ACTR2: variants seen among roughly 807,000 people sequenced by gnomAD.
ACTR2 encodes actin related protein 2, also known as actin-related protein 2.
Under a neutral mutation model 50.2 loss-of-function variants are expected in ACTR2, and 5 were observed. That is an observed-to-expected ratio of 0.10 (90% CI 0.05 to 0.21). The LOEUF is 0.21. Among genes scored for constraint, ACTR2 ranks in the 10% least tolerant of loss-of-function variants. The pLI, the probability that ACTR2 is intolerant of heterozygous loss-of-function variation, is 1.00. For synonymous variants in ACTR2, 140 were observed against 162.9 expected, an observed-to-expected ratio of 0.86 and a Z score of 1.07; for missense variants, 180 against 480.6, an observed-to-expected ratio of 0.37 and a Z score of 5.85.
chr2:65,256,106 C>T (rs1333215351), intron 6 of ACTR2, among the ~76,000 whole-genome samples: 1 of 152,032 alleles, frequency 6.6e-6, no homozygotes, highest in African/African-American at 2.4e-5. Flanking sequence ...GAACTCAGAG[C>T]CTTTGGTATG....
At chr2:65,255,875 C>T (rs1228282572) in intron 6 of ACTR2, among the ~76,000 whole-genome samples, 181 bp downstream of exon 6, 1 of 152,022 alleles carries the variant, frequency 6.6e-6, no homozygotes, top group African/African-American at 2.4e-5. Flanking sequence ...TTTAGGGCAC[C>T]ATATAATGCA....
At position 65,268,831 on chromosome 2, in the gene ACTR2, C is replaced by G; in HGVS notation, c.*97C>G. The G allele has an allele frequency of 4.6e-6, 6 of 1,298,230 alleles. No individual in the cohort carries two copies. The highest frequency in any genetic ancestry group is 6.4e-6 in the Non-Finnish European group (6 of 937,954). 80.4% of individuals were successfully genotyped at this position (1,298,230 alleles called of 1,614,324 possible). On this transcript the variant is annotated 3_prime_UTR_variant, in exon 9 of 9. Transcript: ENST00000260641. ...CAACTCCAGGACATGGAAGAGGCCT[C>G]TCTCTGCCCTTTGACTGGAAAGGTC...
intron 1 of ACTR2, among the ~76,000 whole-genome samples, chr2:65,235,003 G>A (rs988436207): frequency 1.3e-5 from 2 of 152,102 alleles, no homozygotes; most frequent in Non-Finnish European, 2.9e-5. Flanking sequence ...TGTAAATTAT[G>A]ACTGACATTA....
chr2:65,235,310 GAAAAAATGA>G (rs1671719665), intron 1 of ACTR2, among the ~76,000 whole-genome samples: 1 of 152,122 alleles, frequency 6.6e-6, no homozygotes. Context: ...AAGACACTGA[GAAAAAATGA>G]ACTACTACTC....
chr2:65,259,742 A>G (rs1223307740), intron 6 of ACTR2, among the ~76,000 whole-genome samples: 1 of 152,162 alleles, frequency 6.6e-6, no homozygotes. Context: ...AAAAAATTAA[A>G]TTATAAATGT....
chr2:65,232,107 T>G (rs1163108392), intron 1 of ACTR2, among the ~76,000 whole-genome samples: 1 of 152,220 alleles, frequency 6.6e-6, no homozygotes, highest in African/African-American at 2.4e-5. Context: ...AACCTCCTTC[T>G]GAAATCAAGC....
chr2:65,265,332 T>G, intron 8 of ACTR2, 157 bp downstream of exon 8: 3 of 857,682 alleles, frequency 3.5e-6, no homozygotes, highest in Non-Finnish European at 5.6e-6. Context: ...AAGGAAATAG[T>G]TCAAGATAAG....
intron 1 of ACTR2, among the ~76,000 whole-genome samples, chr2:65,236,035 CAT>C (rs1195533293): frequency 6.6e-6 from 1 of 152,068 alleles, no homozygotes; most frequent in Admixed American, 6.5e-5. Context: ...ATGACTGTAA[CAT>C]ATTTGAAAAA....
At chr2:65,237,902 C>A (rs1279691561) in intron 1 of ACTR2, among the ~76,000 whole-genome samples, 1 of 152,148 alleles carries the variant, frequency 6.6e-6, no homozygotes, top group Non-Finnish European at 1.5e-5. Context: ...ATCACTTGAA[C>A]CCGTGGGCGG....
chr2:65,246,595 C>T lies in ACTR2; in HGVS notation c.231C>T (p.Gly77=). The T allele has an allele frequency of 1.2e-6, 2 of 1,613,234 alleles. No individual in the cohort carries two copies. Among genetic ancestry groups the T allele is most frequent in the South Asian group, 1.1e-5 (1 of 91,056 alleles). The change falls in exon 3 of 9, where the codon GGC becomes GGT. Residue 77 remains glycine, a synonymous_variant. Transcript: ENST00000260641. ...AAGTTAACTACCCTATGGAAAATGG[C>T]ATAGTACGAAATTGGGATGACATGA... is the stretch of plus-strand genomic sequence containing the variant. ...MLEVNYPMEN[G]IVRNWDDMKH...
chr2:65,242,365 A>G (rs1470511471), intron 2 of ACTR2, among the ~76,000 whole-genome samples: 1 of 152,190 alleles, frequency 6.6e-6, no homozygotes, highest in Non-Finnish European at 1.5e-5. Context: ...TGTGCATAAT[A>G]TTAGAAACCA....
At chr2:65,259,124 T>C (rs559560996) in intron 6 of ACTR2, among the ~76,000 whole-genome samples, 24 of 152,120 alleles carry the variant, frequency 1.6e-4, no homozygotes, top group Admixed American at 1.6e-3. Context: ...AGCTGGAATC[T>C]AAACAATCAT....
At chr2:65,248,377 G>A (rs60955726) in intron 3 of ACTR2, among the ~76,000 whole-genome samples, 79,289 of 151,864 alleles carry the variant, frequency 0.52, 21,253 homozygotes, top group East Asian at 0.79. Flanking sequence ...TCCAGCCTGG[G>A]CGACAGGGTG....
At chr2:65,263,740 T>C (rs1672320882) in intron 7 of ACTR2, among the ~76,000 whole-genome samples, 1 of 152,210 alleles carries the variant, frequency 6.6e-6, no homozygotes, top group African/African-American at 2.4e-5. Flanking sequence ...AGCAAAATTG[T>C]ATTTAAAAGT....
intron 4 of ACTR2, among the ~76,000 whole-genome samples, chr2:65,252,686 T>C (rs987023234): frequency 1.3e-5 from 2 of 151,066 alleles, no homozygotes; most frequent in Non-Finnish European, 3.0e-5. Flanking sequence ...AAAGTTTTTT[T>C]GACCAGGTAT....
At chr2:65,256,498 A>G (rs934324340) in intron 6 of ACTR2, among the ~76,000 whole-genome samples, 1 of 152,226 alleles carries the variant, frequency 6.6e-6, no homozygotes, top group Admixed American at 6.5e-5. Flanking sequence ...GAAGGCAAGT[A>G]TTTTAAAACC....
At chr2:65,254,980 CAGT>C (rs984851803) in intron 5 of ACTR2, among the ~76,000 whole-genome samples, 4 of 151,574 alleles carry the variant, frequency 2.6e-5, no homozygotes, top group Non-Finnish European at 4.4e-5. Context: ...TTTTTTCTCT[CAGT>C]GGGTTTTTAA....
chr2:65,268,991 AG>A lies in ACTR2; in HGVS notation c.*259del. The A allele has an allele frequency of 2.6e-6, 1 of 384,698 alleles. No individual in the cohort carries two copies. The highest frequency in any genetic ancestry group is 4.7e-6 in the Non-Finnish European group (1 of 212,080). The allele number at this position is 384,698 out of a possible 1,614,324, so 23.8% of individuals were successfully genotyped here. On this transcript the variant is annotated 3_prime_UTR_variant, in exon 9 of 9. Coordinates refer to ENST00000260641, the MANE Select transcript of ACTR2 (RefSeq NM_005722.4). The stretch of plus-strand genomic sequence containing the variant: ...GTCTGCTGCTTTGTTTCTTCTAAGT[AG>A]GCATTTAGATCATTCCTATAGGCTT...
intron 1 of ACTR2, among the ~76,000 whole-genome samples, chr2:65,229,412 G>A (rs533643627): frequency 6.6e-6 from 1 of 152,224 alleles, no homozygotes; most frequent in Admixed American, 6.5e-5. Flanking sequence ...AATAATTATG[G>A]TAGCTTCATC....
Sources: allele counts gnomAD v4.1 joint callset (sites outside exome capture counted in the v4.1 genomes callset), GRCh38; gene constraint gnomAD v4.1.1; transcripts MANE v1.5; gene names NCBI Gene and HGNC (gene_info 2026-07-23, HGNC 2026-07-21).